MYO3B: variants seen among roughly 807,000 people sequenced by gnomAD.
MYO3B encodes the protein myosin-IIIb.
A neutral mutation model predicts 174.6 loss-of-function variants in MYO3B; 156 were observed. The ratio of observed to expected loss-of-function variants is 0.89; its 90% CI spans 0.78 to 1.02. The LOEUF (loss-of-function observed/expected upper bound fraction) is 1.02. MYO3B is among the 50% of genes least tolerant of loss of function. The probability of loss-of-function intolerance (pLI) is 0.00; values close to 1 mark genes in which losing one functional copy is unlikely to be tolerated. For synonymous variants in MYO3B, 563 were observed against 569.1 expected, an observed-to-expected ratio of 0.99 and a Z score of 0.15; for missense variants, 1,632 against 1,639.4, an observed-to-expected ratio of 1.00 and a Z score of 0.08.
intron 32 of MYO3B, among the ~76,000 whole-genome samples, chr2:170,562,471 A>G (rs1691776942): frequency 6.6e-6 from 1 of 152,212 alleles, no homozygotes; most frequent in African/African-American, 2.4e-5. Context: ...AATAACCCCA[A>G]AAGCCGACAA....
chr2:170,463,313 A>G, intron 23 of MYO3B, 55 bp from the exon 24 acceptor site: 1 of 1,506,170 alleles, frequency 6.6e-7, no homozygotes, highest in Non-Finnish European at 9.2e-7. Flanking sequence ...GAAGACATGG[A>G]GCATGAGGTA....
chr2:170,421,556 G>A (rs912154757), intron 22 of MYO3B, among the ~76,000 whole-genome samples: 3 of 152,222 alleles, frequency 2.0e-5, no homozygotes, highest in Non-Finnish European at 4.4e-5. Flanking sequence ...TGGACCGCAT[G>A]TGAGGGTGAG....
At chr2:170,482,276 T>C (rs184776354) in intron 25 of MYO3B, among the ~76,000 whole-genome samples, 13 of 152,144 alleles carry the variant, frequency 8.5e-5, no homozygotes, top group African/African-American at 2.6e-4. Context: ...TGCCTCAGCC[T>C]CTCGAGTAGC....
chr2:170,552,870 A>G (rs1198694286), intron 32 of MYO3B, among the ~76,000 whole-genome samples: 1 of 152,178 alleles, frequency 6.6e-6, no homozygotes, highest in Non-Finnish European at 1.5e-5. Context: ...GTGCAGCCTC[A>G]GGACATGGTG....
intron 7 of MYO3B, among the ~76,000 whole-genome samples, chr2:170,246,421 G>A (rs1374309204): frequency 4.6e-5 from 7 of 152,110 alleles, no homozygotes; most frequent in East Asian, 1.9e-4. Flanking sequence ...TGCAAATAGC[G>A]TCATGTGGAC....
intron 32 of MYO3B, among the ~76,000 whole-genome samples, chr2:170,618,563 A>C (rs953502748): frequency 1.3e-5 from 2 of 152,146 alleles, no homozygotes; most frequent in African/African-American, 2.4e-5. Flanking sequence ...CCCACAATGC[A>C]ATGGGGCTCT....
chr2:170,641,761 G>A (rs765693876), intron 32 of MYO3B, among the ~76,000 whole-genome samples: 1 of 144,320 alleles, frequency 6.9e-6, no homozygotes, highest in African/African-American at 2.6e-5. Flanking sequence ...TGAACATTAG[G>A]TTCATTTATT....
rs1234013188 is a variant in MYO3B, at chr2:170,499,672, G to A, written c.3153G>A (p.Glu1051=). 2.5e-6 allele frequency: 4 copies of A among 1,614,074 alleles called. No homozygotes were observed. Among genetic ancestry groups the A allele is most frequent in the Non-Finnish European group, 3.4e-6 (4 of 1,179,950 alleles). Residue 1051 remains glutamate (E), a synonymous_variant, in exon 27 of 35, where the codon GAG becomes GAA. Transcript: ENST00000408978. ...TKVFLKYYHV[E]QLNLLLREVI... is the part of the protein sequence containing the mutation. ...TTTTTCTCAAATATTACCATGTTGA[G>A]CAATTAAATTTGCTGCTTCGAGAAG...
At chr2:170,248,284 C>T (rs1466729497) in intron 7 of MYO3B, among the ~76,000 whole-genome samples, 2 of 152,132 alleles carry the variant, frequency 1.3e-5, no homozygotes, top group Admixed American at 6.5e-5. Flanking sequence ...GTTAGTCAAA[C>T]CTAGGCCTCC....
intron 32 of MYO3B, among the ~76,000 whole-genome samples, chr2:170,649,024 TATAAA>T (rs1230798280): frequency 1.2e-3 from 102 of 84,300 alleles, no homozygotes; most frequent in African/African-American, 4.9e-3. Context: ...ATGTATAATA[TATAAA>T]ATAATATATA....
Position 170,626,980 on chromosome 2 carries a change from A to C in MYO3B, c.3734-24648A>C, listed in dbSNP as rs548503282. Among the ~76,000 whole-genome samples the C allele has an allele frequency of 2.6e-5, 4 of 151,800 alleles. No individual in the cohort carries two copies. The South Asian group carries it at 8.3e-4, about 32-fold the overall frequency. On this transcript the variant is annotated intron_variant, in intron 32 of 34. Transcript: ENST00000408978. ...ACCTTTCTCTCTGGCTGCCCTTAAC[A>C]TTTTTTCCTTCATTTCAACTTTGGT...
chr2:170,515,197 G>C (rs1488388885), intron 29 of MYO3B, among the ~76,000 whole-genome samples, 175 bp downstream of exon 29: 1 of 152,168 alleles, frequency 6.6e-6, no homozygotes, highest in East Asian at 1.9e-4. Context: ...GACTCTGAAG[G>C]GTGATTTCAT....
chr2:170,532,310 A>G (rs530271433), intron 30 of MYO3B, among the ~76,000 whole-genome samples: 29 of 152,354 alleles, frequency 1.9e-4, no homozygotes, highest in African/African-American at 5.5e-4. Flanking sequence ...AGGGAACTAA[A>G]AGAACGTTAC....
chr2:170,538,614 A>G (rs1328781501), intron 30 of MYO3B, among the ~76,000 whole-genome samples: 1 of 152,184 alleles, frequency 6.6e-6, no homozygotes, highest in Non-Finnish European at 1.5e-5. Context: ...TCCGGATTTA[A>G]GAAGAAGGAA....
At chr2:170,300,996 T>C (rs2093661860) in intron 7 of MYO3B, among the ~76,000 whole-genome samples, 1 of 152,228 alleles carries the variant, frequency 6.6e-6, no homozygotes, top group Admixed American at 6.5e-5. Flanking sequence ...TGCCAGCATG[T>C]AGGCACATCA....
chr2:170,379,551 G>T (rs1296810630), intron 9 of MYO3B, among the ~76,000 whole-genome samples: 1 of 152,118 alleles, frequency 6.6e-6, no homozygotes, highest in Non-Finnish European at 1.5e-5. Context: ...ATGTGAAGGG[G>T]ATTTTGATCG....
At chr2:170,272,286 G>T (rs149875089) in intron 7 of MYO3B, among the ~76,000 whole-genome samples, 2 of 152,166 alleles carry the variant, frequency 1.3e-5, no homozygotes, top group East Asian at 1.9e-4. Flanking sequence ...TGCTTCTGAG[G>T]CTCACTCAAA....
chr2:170,563,483 G>A (rs977975976), intron 32 of MYO3B, among the ~76,000 whole-genome samples: 1 of 152,156 alleles, frequency 6.6e-6, no homozygotes, highest in Admixed American at 6.5e-5. Context: ...GAATAAAAGA[G>A]AATCTTCTTT....
At chr2:170,404,722 C>A (rs11892847) in intron 20 of MYO3B, among the ~76,000 whole-genome samples, 15,310 of 152,088 alleles carry the variant, frequency 0.1, 946 homozygotes, top group East Asian at 0.26. Context: ...TGTGTGCCCC[C>A]ATCTCATGTC....
Sources: gnomAD v4.1 joint callset for allele counts (sites outside exome capture counted in the v4.1 genomes callset) on GRCh38, gnomAD v4.1.1 for gene constraint, MANE v1.5 for transcripts, NCBI Gene and HGNC (gene_info 2026-07-23, HGNC 2026-07-21) for gene names.